SAXO1: variants seen among roughly 807,000 people sequenced by gnomAD.
The protein encoded by SAXO1 is 4930500O09Rik.
A neutral mutation model predicts 17.5 loss-of-function variants in SAXO1; 21 were observed. The ratio of observed to expected loss-of-function variants is 1.20; its 90% CI spans 0.85 to 1.72. SAXO1 has a LOEUF of 1.72. Among genes scored for constraint, SAXO1 ranks in the 40% most tolerant of loss-of-function variants. The pLI is 0.00. For synonymous variants in SAXO1, 274 were observed against 216.5 expected (o/e 1.27, Z -2.33); for missense variants, 843 against 596.0 (o/e 1.41, Z -4.32).
intron 3 of SAXO1, among the ~76,000 whole-genome samples, chr9:18,929,326 G>A (rs573883601): frequency 1.3e-5 from 2 of 152,318 alleles, no homozygotes; most frequent in East Asian, 3.9e-4. Flanking sequence ...GTCGTGAGAG[G>A]ATCCAGGGAA....
At chr9:18,972,679 T>C (rs1186919075) in intron 1 of SAXO1, among the ~76,000 whole-genome samples, 2 of 152,184 alleles carry the variant, frequency 1.3e-5, no homozygotes, top group Admixed American at 6.5e-5. Flanking sequence ...ACCTGGAGTC[T>C]CCAACTCTTA....
Position 18,995,337 on chromosome 9 carries a change from T to A in SAXO1, c.38+37534A>T, listed in dbSNP as rs79162583. Among the ~76,000 whole-genome samples the A allele has an allele frequency of 1.7e-3, 262 of 152,342 alleles. 2 individuals are homozygous for A. Among genetic ancestry groups the A allele is most frequent in the South Asian group, 3.3e-3 (16 of 4,830 alleles). On this transcript the variant is annotated intron_variant, in intron 1 of 3. Coordinates refer to ENST00000380534, the MANE Select transcript of SAXO1 (RefSeq NM_153707.4). ...TCAGCCAGTCTCACTTGTGGGATAA[T>A]TAATTCAGGGAACTTTCCAGAGGTC...
At chr9:18,976,783 A>G (rs565263144) in intron 1 of SAXO1, among the ~76,000 whole-genome samples, 3 of 152,344 alleles carry the variant, frequency 2.0e-5, no homozygotes, top group East Asian at 3.9e-4. Flanking sequence ...TGGCTCCAAA[A>G]ACAGTCAAAT....
At chr9:19,022,849 C>T (rs1352569150) in intron 1 of SAXO1, among the ~76,000 whole-genome samples, 3 of 152,138 alleles carry the variant, frequency 2.0e-5, no homozygotes, top group Admixed American at 6.5e-5. Flanking sequence ...TTACTTTGAA[C>T]AAGCTGGTAA....
At chr9:18,995,353 T>A (rs1047808283) in intron 1 of SAXO1, among the ~76,000 whole-genome samples, 1 of 152,238 alleles carries the variant, frequency 6.6e-6, no homozygotes, top group Non-Finnish European at 1.5e-5. Context: ...CAGGGAACTT[T>A]CCAGAGGTCT....
intron 1 of SAXO1, among the ~76,000 whole-genome samples, chr9:19,015,388 G>A (rs1012688260): frequency 1.3e-5 from 2 of 152,118 alleles, no homozygotes; most frequent in Admixed American, 6.5e-5. Context: ...CTGTCACCCA[G>A]GCTGGAGTGC....
rs563914305 is a variant in SAXO1, at chr9:18,979,465, C to A, written c.39-28528G>T. On this transcript the variant is annotated intron_variant, in intron 1 of 3. Transcript: ENST00000380534. ...ACAATGGTGAATGGGGGTATCTGTG[C>A]AAAGAGAAGGATTTGAGCAAAGGCT... Among the ~76,000 whole-genome samples the A allele has an allele frequency of 6.9e-4, 105 of 152,234 alleles. 1 individual carries two copies. Among genetic ancestry groups the A allele is most frequent in the Middle Eastern group, 6.8e-3 (2 of 292 alleles).
chr9:19,013,536 A>C (rs1479366565), intron 1 of SAXO1, among the ~76,000 whole-genome samples: 2 of 138,434 alleles, frequency 1.4e-5, no homozygotes, highest in East Asian at 4.1e-4. Context: ...AACTAAAAGT[A>C]CGGATTTTTT....
chr9:19,002,046 A>C (rs10963903), intron 1 of SAXO1, among the ~76,000 whole-genome samples: 72,760 of 151,994 alleles, frequency 0.48, 18,404 homozygotes, highest in Non-Finnish European at 0.57. Context: ...AGACGCAATA[A>C]AAAATGATAA....
At chr9:19,015,151 T>C (rs1446132632) in intron 1 of SAXO1, among the ~76,000 whole-genome samples, 1 of 152,188 alleles carries the variant, frequency 6.6e-6, no homozygotes, top group African/African-American at 2.4e-5. Context: ...TGCTTCTTTT[T>C]AATCAATAAC....
At chr9:19,032,825 G>C (rs1835823925) in intron 1 of SAXO1, 46 bp downstream of exon 1, 1 of 1,601,728 alleles carries the variant, frequency 6.2e-7, no homozygotes, top group African/African-American at 1.3e-5. Context: ...TCGGGAGTCT[G>C]AAAACCCAGG....
intron 3 of SAXO1, among the ~76,000 whole-genome samples, chr9:18,936,245 A>C (rs555088697): frequency 6.6e-6 from 1 of 152,318 alleles, no homozygotes; most frequent in African/African-American, 2.4e-5. Context: ...GCTTCATTTT[A>C]ATTGAAAATC....
At chr9:19,006,785 C>T (rs866337330) in intron 1 of SAXO1, among the ~76,000 whole-genome samples, 1 of 152,194 alleles carries the variant, frequency 6.6e-6, no homozygotes, top group Non-Finnish European at 1.5e-5. Context: ...GTGGCTCATG[C>T]CTATAATCCT....
At position 18,961,076 on chromosome 9, in the gene SAXO1, AAAG is replaced by A. The variant is rs1207736972; in HGVS notation, c.39-10142_39-10140del. ...AATGCTAAGTTTCTTGCAAAAGAAA[AAAG>A]AACAATTATTGAACTGTACTTAAGG... On this transcript the variant is annotated intron_variant, in intron 1 of 3. Coordinates refer to ENST00000380534, the MANE Select transcript of SAXO1 (RefSeq NM_153707.4). Among the ~76,000 whole-genome samples, 23 of 152,364 alleles carry A rather than the reference AAAG, an allele frequency of 1.5e-4. No individual in the cohort carries two copies. In the South Asian group the frequency reaches 4.8e-3, roughly 32 times the overall value.
At chr9:18,938,097 G>A (rs970129771) in intron 3 of SAXO1, among the ~76,000 whole-genome samples, 2 of 152,180 alleles carry the variant, frequency 1.3e-5, no homozygotes, top group African/African-American at 4.8e-5. Context: ...CTGGTTCTGA[G>A]CAGTCCAGTT....
At position 18,928,193 on chromosome 9, in the gene SAXO1, A is replaced by G. The variant is rs776034861; in HGVS notation, c.1284T>C (p.Pro428=). The change falls in exon 4 of 4, where the codon CCT becomes CCC. Residue 428 remains proline (P), a synonymous_variant. Coordinates refer to ENST00000380534, the MANE Select transcript of SAXO1 (RefSeq NM_153707.4). ...GRCLASYPEP[P]GYTFEEVDAL... is the part of the protein sequence containing the mutation. The stretch of plus-strand genomic sequence containing the variant: ...CATCCACTTCCTCAAAGGTGTAGCC[A>G]GGAGGCTCAGGATATGAAGCTAGGC... The G allele has an allele frequency of 2.4e-5, 39 of 1,614,106 alleles. 1 individual carries two copies. In the South Asian group the frequency reaches 3.5e-4, roughly 15 times the overall value.
chr9:18,971,891 G>C lies in SAXO1; in HGVS notation c.39-20954C>G, dbSNP rs149580322. 1.1e-3 allele frequency among the ~76,000 whole-genome samples: 169 copies of C among 151,912 alleles called. 2 individuals are homozygous for C. The East Asian group carries it at 0.026, about 24-fold the overall frequency. On this transcript the variant is annotated intron_variant, in intron 1 of 3. Transcript: ENST00000380534. ...AAATATAGCACTGTAAAATGTTAAA[G>C]GTAACCCACTCTCACCCCCAAATAT...
intron 1 of SAXO1, among the ~76,000 whole-genome samples, chr9:19,046,010 C>A (rs754225296): frequency 2.8e-5 from 4 of 145,038 alleles, no homozygotes; most frequent in Non-Finnish European, 4.5e-5. Flanking sequence ...ATCACTTGAA[C>A]CTGGGAGGCG....
chr9:18,995,906 C>G (rs185134876), intron 1 of SAXO1, among the ~76,000 whole-genome samples: 4 of 151,926 alleles, frequency 2.6e-5, no homozygotes, highest in Admixed American at 2.6e-4. Flanking sequence ...GTGGTGAAAC[C>G]CCATCTTACC....
Sources: allele counts gnomAD v4.1 joint callset (sites outside exome capture counted in the v4.1 genomes callset), GRCh38; gene constraint gnomAD v4.1.1; transcripts MANE v1.5; gene names NCBI Gene and HGNC (gene_info 2026-07-23, HGNC 2026-07-21).